The following ATXN7L1 variants were observed in gnomAD, a reference collection of about 807,000 sequenced individuals.
ATXN7L1 encodes the protein ataxin 7 like 1, also known as ataxin-7-like protein 1.
In ATXN7L1, 15 loss-of-function variants were observed where a neutral mutation model predicts 70.8. The ratio of observed to expected loss-of-function variants is 0.21; its 90% CI spans 0.14 to 0.33. The LOEUF is 0.33. Ranked by LOEUF, ATXN7L1 falls within the 10% of genes least tolerant of loss-of-function variation. ATXN7L1 has a pLI of 1.00. For missense variants in ATXN7L1, 975 were observed against 1,097.1 expected (o/e 0.89, Z 1.57); for synonymous variants, 440 against 445.1 (o/e 0.99, Z 0.14).
intron 2 of ATXN7L1, among the ~76,000 whole-genome samples, chr7:105,845,372 A>G (rs1424011359): frequency 6.6e-6 from 1 of 152,118 alleles, no homozygotes. Flanking sequence ...CATGGAAACT[A>G]TAAATACAGT....
intron 2 of ATXN7L1, among the ~76,000 whole-genome samples, chr7:105,828,954 A>T (rs894291053): frequency 4.6e-5 from 7 of 152,226 alleles, no homozygotes; most frequent in Admixed American, 2.6e-4. Flanking sequence ...TTCATGGGAT[A>T]ATGCCTTTGA....
chr7:105,729,282 A>AATGG (rs1796247750), intron 3 of ATXN7L1, among the ~76,000 whole-genome samples: 1 of 113,580 alleles, frequency 8.8e-6, no homozygotes, highest in Admixed American at 9.3e-5. Context: ...ATAATAAATG[A>AATGG]ATGAATGAAT....
chr7:105,821,350 T>C lies in ATXN7L1; in HGVS notation c.251-32642A>G, dbSNP rs188159519. Among the ~76,000 whole-genome samples, 530 of 152,294 alleles carry C rather than the reference T, an allele frequency of 3.5e-3. 6 individuals are homozygous for C. Among genetic ancestry groups the C allele is most frequent in the Non-Finnish European group, 4.3e-3 (291 of 68,030 alleles). ...CACCACGCCTGGCTGAAACCTCTGT[T>C]TTTATAAATTATCAAGTCTCAGTTA... On this transcript the variant is annotated intron_variant, in intron 2 of 11. Transcript: ENST00000419735.
Position 105,734,682 on chromosome 7 carries a change from A to G in ATXN7L1, c.355+53922T>C, listed in dbSNP as rs1163124371. Among the ~76,000 whole-genome samples the G allele has an allele frequency of 2.7e-5, 4 of 149,106 alleles. No homozygotes were observed. In the South Asian group the frequency reaches 8.5e-4, roughly 32 times the overall value. On this transcript the variant is annotated intron_variant, in intron 3 of 11. Transcript: ENST00000419735. ...GGCTGGCTTTGGAGTTTCTTACGTG[A>G]TGGAGCTTGAGAGTAAATGAAAGTG...
chr7:105,793,280 TGA>T (rs1805518503), intron 2 of ATXN7L1, among the ~76,000 whole-genome samples: 1 of 152,192 alleles, frequency 6.6e-6, no homozygotes, highest in South Asian at 2.1e-4. Context: ...TTTCCTAGGG[TGA>T]GTGTCCTCAT....
At chr7:105,792,843 A>C (rs937133866) in intron 2 of ATXN7L1, among the ~76,000 whole-genome samples, 2 of 152,234 alleles carry the variant, frequency 1.3e-5, no homozygotes, top group African/African-American at 4.8e-5. Context: ...AAAAGTGAAG[A>C]GTGAAACCAC....
At chr7:105,852,943 C>A (rs1815094748) in intron 2 of ATXN7L1, among the ~76,000 whole-genome samples, 1 of 151,948 alleles carries the variant, frequency 6.6e-6, no homozygotes, top group Non-Finnish European at 1.5e-5. Flanking sequence ...GTGAAAGAAA[C>A]GAGTCGCAAA....
chr7:105,704,044 C>CT (rs1428698821), intron 3 of ATXN7L1, among the ~76,000 whole-genome samples: 2 of 152,192 alleles, frequency 1.3e-5, no homozygotes, highest in Non-Finnish European at 2.9e-5. Context: ...CCACATCTAT[C>CT]TTTTACAACC....
At chr7:105,772,063 ATTTTTTTTTTTTTTTT>A (rs533366742) in intron 3 of ATXN7L1, among the ~76,000 whole-genome samples, 1 of 99,788 alleles carries the variant, frequency 1.0e-5, no homozygotes, top group Non-Finnish European at 1.9e-5. Flanking sequence ...TCAGATTGGA[ATTTTTTTTTTTTTTTT>A]TTTTTTTTTT....
chr7:105,699,279 T>A (rs566156041), intron 3 of ATXN7L1, among the ~76,000 whole-genome samples: 5 of 152,294 alleles, frequency 3.3e-5, no homozygotes, highest in African/African-American at 1.2e-4. Context: ...ATTACAGGCA[T>A]GCACCATCAC....
chr7:105,608,856 C>T (rs143122605), intron 11 of ATXN7L1, among the ~76,000 whole-genome samples: 208 of 152,264 alleles, frequency 1.4e-3, no homozygotes, highest in Non-Finnish European at 2.5e-3. Flanking sequence ...ACAAAACATG[C>T]GGTACATCTC....
chr7:105,720,250 G>T (rs1196795539), intron 3 of ATXN7L1, among the ~76,000 whole-genome samples: 6 of 152,150 alleles, frequency 3.9e-5, no homozygotes, highest in Admixed American at 2.0e-4. Context: ...AATTAACACT[G>T]CCTCTTGCCT....
intron 3 of ATXN7L1, among the ~76,000 whole-genome samples, chr7:105,687,268 G>C (rs937571054): frequency 3.9e-5 from 6 of 152,220 alleles, no homozygotes; most frequent in Non-Finnish European, 7.3e-5. Flanking sequence ...GCTGAGGCAG[G>C]ACCAGGCTTG....
intron 2 of ATXN7L1, among the ~76,000 whole-genome samples, chr7:105,797,980 A>G (rs1384867491): frequency 1.3e-5 from 2 of 152,232 alleles, no homozygotes; most frequent in Non-Finnish European, 2.9e-5. Flanking sequence ...CAAGAAGTTG[A>G]TTTATTTTCC....
At chr7:105,844,869 A>C (rs1459571358) in intron 2 of ATXN7L1, among the ~76,000 whole-genome samples, 1 of 152,224 alleles carries the variant, frequency 6.6e-6, no homozygotes, top group African/African-American at 2.4e-5. Context: ...GAGAGTTAAC[A>C]AACAAGTTTA....
At chr7:105,735,169 A>T (rs2078623) in intron 3 of ATXN7L1, among the ~76,000 whole-genome samples, 40,490 of 152,014 alleles carry the variant, frequency 0.27, 5,658 homozygotes, top group Admixed American at 0.34. Context: ...GATCCCCTTG[A>T]CCTGGGCTAT....
chr7:105,778,154 C>CATTCAGCCTTCAAGAA lies in ATXN7L1; in HGVS notation c.355+10434_355+10449dup, dbSNP rs1440562103. Among the ~76,000 whole-genome samples, 10 of 152,086 alleles carry CATTCAGCCTTCAAGAA rather than the reference C, an allele frequency of 6.6e-5. No homozygotes were observed. In the East Asian group the frequency reaches 1.9e-3, roughly 29 times the overall value. On this transcript the variant is annotated intron_variant, in intron 3 of 11. Coordinates refer to ENST00000419735, the MANE Select transcript of ATXN7L1 (RefSeq NM_020725.2). ...TGACTCTGGAGAATGTAATCCAAGA[C>CATTCAGCCTTCAAGAA]ATTCAGCCTTCAAGAAATAGGCTTT...
At chr7:105,714,653 T>A (rs1794314710) in intron 3 of ATXN7L1, among the ~76,000 whole-genome samples, 1 of 149,598 alleles carries the variant, frequency 6.7e-6, no homozygotes. Flanking sequence ...CTGGATAGCT[T>A]CTTCTGTTTT....
At chr7:105,729,795 T>C (rs1796327094) in intron 3 of ATXN7L1, among the ~76,000 whole-genome samples, 1 of 149,860 alleles carries the variant, frequency 6.7e-6, no homozygotes, top group Non-Finnish European at 1.5e-5. Context: ...TGGGGTGCAG[T>C]GGTGCGATCT....
Sources: gnomAD v4.1 joint callset for allele counts (sites outside exome capture counted in the v4.1 genomes callset) on GRCh38, gnomAD v4.1.1 for gene constraint, MANE v1.5 for transcripts, NCBI Gene and HGNC (gene_info 2026-07-23, HGNC 2026-07-21) for gene names.